CLPTM1: variants seen among roughly 807,000 people sequenced by gnomAD.
CLPTM1 encodes the protein CLPTM1 regulator of GABA type A receptor forward trafficking.
Under a neutral mutation model 77.3 loss-of-function variants are expected in CLPTM1, and 21 were observed. The observed-to-expected ratio is 0.27, with a 90% CI of 0.19 to 0.39. CLPTM1 has a LOEUF of 0.39. Among genes scored for constraint, CLPTM1 ranks in the 10% least tolerant of loss-of-function variants. The pLI is 1.00. For missense variants in CLPTM1, 642 were observed against 921.2 expected, an observed-to-expected ratio of 0.70 and a Z score of 3.92; for synonymous variants, 373 against 381.0, an observed-to-expected ratio of 0.98 and a Z score of 0.24.
chr19:44,956,118 G>A (rs1227298339), intron 1 of CLPTM1, among the ~76,000 whole-genome samples: 1 of 152,200 alleles, frequency 6.6e-6, no homozygotes, highest in African/African-American at 2.4e-5. Context: ...TTAACACACT[G>A]CAGAGCATAC....
chr19:44,982,955 G>C lies in CLPTM1; in HGVS notation c.587-2263G>C, dbSNP rs573091905. On this transcript the variant is annotated intron_variant, in intron 5 of 13. Coordinates refer to ENST00000337392, the MANE Select transcript of CLPTM1 (RefSeq NM_001294.4). ...GGATGCCTGTAATCCCGGCTACTCG[G>C]GAGGCTGAGGCAGGAGAATTGCTTG... Among the ~76,000 whole-genome samples the C allele has an allele frequency of 3.8e-3, 585 of 152,204 alleles. 5 individuals carry two copies. Among genetic ancestry groups the C allele is most frequent in the African/African-American group, 0.013 (560 of 41,520 alleles).
chr19:44,980,950 G>A (rs1008917572), intron 5 of CLPTM1, among the ~76,000 whole-genome samples: 1 of 151,086 alleles, frequency 6.6e-6, no homozygotes, highest in Non-Finnish European at 1.5e-5. Flanking sequence ...CCATTCTCCT[G>A]CCTCAGCCTC....
At chr19:44,960,118 C>T (rs1047879484) in intron 1 of CLPTM1, among the ~76,000 whole-genome samples, 3 of 152,062 alleles carry the variant, frequency 2.0e-5, no homozygotes, top group Admixed American at 2.0e-4. Flanking sequence ...TCTGATTTCC[C>T]TTCCCCAGCC....
chr19:44,975,625 C>G (rs1022281467), intron 4 of CLPTM1, among the ~76,000 whole-genome samples: 1 of 151,840 alleles, frequency 6.6e-6, no homozygotes. Flanking sequence ...AGGGCAGTGG[C>G]GCAACCTTGG....
chr19:44,965,230 T>C (rs1453662115), intron 2 of CLPTM1, among the ~76,000 whole-genome samples: 1 of 152,220 alleles, frequency 6.6e-6, no homozygotes. Flanking sequence ...CCAGGTGCGG[T>C]GGCTCACGCC....
In CLPTM1 at chr19:44,990,718, C is replaced by T. The variant is rs1445378935; in HGVS notation, c.1324-132C>T. 3.0e-6 allele frequency: 4 copies of T among 1,332,948 alleles called. No homozygotes were observed. In the African/African-American group the frequency reaches 5.8e-5, roughly 19 times the overall value. 82.6% of individuals were successfully genotyped at this position (1,332,948 alleles called of 1,614,324 possible). On this transcript the variant is annotated intron_variant, in intron 10 of 13. Coordinates refer to ENST00000337392, the MANE Select transcript of CLPTM1 (RefSeq NM_001294.4). The surrounding 1 kb of genome is among the most constrained non-coding windows in gnomAD (Gnocchi z 4.8). ...TCACTCCCAGGACTGAGGGGATTTT[C>T]TCACCAGGGGATTTTTTGGGTCACA...
At chr19:44,974,672 C>G in intron 4 of CLPTM1, 75 bp downstream of exon 4, 1 of 1,532,582 alleles carries the variant, frequency 6.5e-7, no homozygotes, top group Non-Finnish European at 8.9e-7. Flanking sequence ...CAGTCCGCTC[C>G]TTGCTGAGAG....
At chr19:44,955,376 C>A, upstream of CLPTM1, 5 of 631,182 alleles carry the variant, frequency 7.9e-6, no homozygotes, top group Non-Finnish European at 1.0e-5. Flanking sequence ...GCGGCGGGGG[C>A]GGGGACCCGG....
chr19:44,979,801 C>T (rs538721655), intron 5 of CLPTM1, among the ~76,000 whole-genome samples: 11 of 152,200 alleles, frequency 7.2e-5, no homozygotes, highest in African/African-American at 2.6e-4. Flanking sequence ...GGGGTGTGAC[C>T]TACAGGGTTG....
chr19:44,990,986 G>T lies in CLPTM1; in HGVS notation c.1419+41G>T. ...AGTGGGCCCCTGGGGGTGGTCTCCAGGTACCACGTATCCCTGAGGCACCCG... is the reference window on the plus strand; with the variant it reads ...AGTGGGCCCCTGGGGGTGGTCTCCATGTACCACGTATCCCTGAGGCACCCG... On this transcript the variant is annotated intron_variant, in intron 11 of 13. Coordinates refer to ENST00000337392, the MANE Select transcript of CLPTM1 (RefSeq NM_001294.4). The surrounding 1 kb of genome is among the most constrained non-coding windows in gnomAD (Gnocchi z 4.8). 1 of 1,391,054 alleles carries T rather than the reference G, an allele frequency of 7.2e-7. No homozygotes were observed. The allele number at this position is 1,391,054 out of a possible 1,614,324, so 86.2% of individuals were successfully genotyped here. A position where few individuals can be genotyped will look rare whatever the true frequency, so the allele number is the denominator to read the frequency against.
In CLPTM1 at chr19:44,992,281, C is replaced by T; in HGVS notation, c.1604C>T (p.Ser535Phe). The T allele has an allele frequency of 6.2e-7, 1 of 1,614,118 alleles. No individual in the cohort carries two copies. The highest frequency in any genetic ancestry group is 8.5e-7 in the Non-Finnish European group (1 of 1,179,990). Residue 535 changes from serine (S) to phenylalanine (F), a missense_variant, in exon 13 of 14, where the codon TCT becomes TTT. Ser to Phe is a radical substitution (Grantham distance 155). This residue lies in a region of CLPTM1 where 521 missense variants were observed against 800.4 expected (regional missense o/e 0.65). Coordinates refer to ENST00000337392, the MANE Select transcript of CLPTM1 (RefSeq NM_001294.4). The surrounding 1 kb of genome is among the most constrained non-coding windows in gnomAD (Gnocchi z 7.7). ...PQLFINYKLKSVAHLPWRMLT... is the reference protein window; with the variant it reads ...PQLFINYKLKFVAHLPWRMLT... ...CTCTTCATCAACTACAAGCTCAAGT[C>T]TGTGGCCCACCTTCCCTGGCGCATG... is the stretch of plus-strand genomic sequence containing the variant.
Position 44,990,728 on chromosome 19 carries a change from G to A in CLPTM1, c.1324-122G>A. On this transcript the variant is annotated intron_variant, in intron 10 of 13. Coordinates refer to ENST00000337392, the MANE Select transcript of CLPTM1 (RefSeq NM_001294.4). The surrounding 1 kb of genome is among the most constrained non-coding windows in gnomAD (Gnocchi z 4.8). Reference sequence around the variant, plus strand: ...GACTGAGGGGATTTTCTCACCAGGGGATTTTTTGGGTCACACATGGGGCAG... The same window carrying A: ...GACTGAGGGGATTTTCTCACCAGGGAATTTTTTGGGTCACACATGGGGCAG... 7.7e-7 allele frequency: 1 copy of A among 1,292,816 alleles called. No homozygotes were observed. 80.1% of individuals were successfully genotyped at this position (1,292,816 alleles called of 1,614,324 possible).
At chr19:44,972,423 TA>T (rs1372997214) in intron 2 of CLPTM1, among the ~76,000 whole-genome samples, 1 of 151,616 alleles carries the variant, frequency 6.6e-6, no homozygotes, top group Non-Finnish European at 1.5e-5. Flanking sequence ...AATTTTTTTG[TA>T]TTTTTTAGTA....
intron 5 of CLPTM1, among the ~76,000 whole-genome samples, chr19:44,983,473 C>T (rs112417029): frequency 0.096 from 14,497 of 150,358 alleles, 1,157 homozygotes; most frequent in African/African-American, 0.22. Context: ...ACAAAATTAG[C>T]CGGGCGTGGT....
chr19:44,983,559 A>G (rs1970930290), intron 5 of CLPTM1, among the ~76,000 whole-genome samples: 1 of 130,836 alleles, frequency 7.6e-6, no homozygotes, highest in Non-Finnish European at 1.6e-5. Context: ...CGGAGGTTGC[A>G]GTGAGCCAAG....
At chr19:44,978,020 G>C (rs1358308168) in intron 5 of CLPTM1, among the ~76,000 whole-genome samples, 2 of 152,020 alleles carry the variant, frequency 1.3e-5, no homozygotes, top group African/African-American at 4.8e-5. Context: ...TGAGGTGGGA[G>C]GATCGCTTGA....
chr19:44,962,949 C>T (rs912208105), intron 2 of CLPTM1, among the ~76,000 whole-genome samples: 4 of 151,418 alleles, frequency 2.6e-5, no homozygotes, highest in South Asian at 2.1e-4. Context: ...GGCGTGAACC[C>T]GGGAGGCGGA....
chr19:44,986,244 T>A (rs1030694557), intron 6 of CLPTM1, among the ~76,000 whole-genome samples: 4 of 150,156 alleles, frequency 2.7e-5, no homozygotes, highest in African/African-American at 9.8e-5. Context: ...ACGCCTCTAA[T>A]CCCAGCACTT....
At position 44,986,542 on chromosome 19, in the gene CLPTM1, G is replaced by A; in HGVS notation, c.760G>A (p.Val254Met). The A allele has an allele frequency of 6.2e-7, 1 of 1,614,050 alleles. No homozygotes were observed. The highest frequency in any genetic ancestry group is 2.2e-5 in the East Asian group (1 of 44,878). ...INIVDDHTPW[V>M]KGSVPPPLDQ... is the part of the protein sequence containing the mutation. Reference sequence around the variant, plus strand: ...CATCGTGGACGACCACACGCCGTGGGTGAAGGGCAGTGTGCCCCCTCCCCT... The same window carrying A: ...CATCGTGGACGACCACACGCCGTGGATGAAGGGCAGTGTGCCCCCTCCCCT... The change falls in exon 7 of 14, where the codon GTG becomes ATG. Residue 254 changes from valine to methionine, a missense_variant. By Grantham distance (21) the Val-to-Met change is conservative. Around this residue, in one of 2 missense-constraint regions of CLPTM1, gnomAD observed 521 missense variants for 800.4 expected, o/e 0.65. Transcript: ENST00000337392.
Sources: gnomAD v4.1 joint callset for allele counts (sites outside exome capture counted in the v4.1 genomes callset) on GRCh38, gnomAD v4.1.1 for gene constraint, gnomAD v4.1.1 regional missense constraint, Gnocchi (gnomAD v3.1) non-coding constraint, MANE v1.5 for transcripts, NCBI Gene and HGNC (gene_info 2026-07-23, HGNC 2026-07-21) for gene names.